The following CDH13 variants were observed in gnomAD, a reference collection of about 807,000 sequenced individuals.
The protein encoded by CDH13 is cadherin 13, also known as cadherin-13.
Under a neutral mutation model 63.8 loss-of-function variants are expected in CDH13, and 24 were observed. The ratio of observed to expected loss-of-function variants is 0.38; its 90% CI spans 0.27 to 0.53. CDH13 has a LOEUF of 0.53. Among genes scored for constraint, CDH13 ranks in the 20% least tolerant of loss-of-function variants. The pLI, the probability that CDH13 is intolerant of heterozygous loss-of-function variation, is 0.85. For synonymous variants in CDH13, 503 were observed against 355.3 expected, an observed-to-expected ratio of 1.42 and a Z score of -4.67; for missense variants, 1,049 against 903.1, an observed-to-expected ratio of 1.16 and a Z score of -2.07.
intron 7 of CDH13, 124 bp downstream of exon 7, chr16:83,486,779 C>G (rs1171447237): frequency 2.3e-6 from 2 of 853,150 alleles, no homozygotes; most frequent in Non-Finnish European, 3.6e-6. Context: ...GAGGTGTTTA[C>G]CATGTTTTGG....
intron 2 of CDH13, among the ~76,000 whole-genome samples, chr16:83,013,530 C>T (rs1914371895): frequency 6.6e-6 from 1 of 152,180 alleles, no homozygotes; most frequent in Non-Finnish European, 1.5e-5. Context: ...ACCTCAAACC[C>T]CAATCCTCAC....
At chr16:83,515,342 C>T (rs1295203652) in intron 7 of CDH13, among the ~76,000 whole-genome samples, 1 of 152,196 alleles carries the variant, frequency 6.6e-6, no homozygotes, top group African/African-American at 2.4e-5. Flanking sequence ...TTACACTTCT[C>T]TCTGCAGTAA....
chr16:82,958,942 T>C (rs1318404617), intron 2 of CDH13, among the ~76,000 whole-genome samples: 1 of 152,240 alleles, frequency 6.6e-6, no homozygotes, highest in African/African-American at 2.4e-5. Context: ...AAGGTTTTCC[T>C]GGTGCAGAAA....
intron 3 of CDH13, among the ~76,000 whole-genome samples, chr16:83,058,890 C>CTTGCT (rs1269174454): frequency 1.3e-5 from 2 of 151,740 alleles, no homozygotes; most frequent in Non-Finnish European, 2.9e-5. Context: ...AGGATATTTT[C>CTTGCT]TTGCTTTGCT....
chr16:82,963,483 T>C (rs1214955567), intron 2 of CDH13, among the ~76,000 whole-genome samples: 16 of 152,172 alleles, frequency 1.1e-4, no homozygotes. Flanking sequence ...GGTTTCACCG[T>C]ATCACATCCT....
chr16:83,027,240 G>T (rs1447583802), intron 2 of CDH13, among the ~76,000 whole-genome samples: 1 of 152,004 alleles, frequency 6.6e-6, no homozygotes, highest in Non-Finnish European at 1.5e-5. Context: ...TGCTGAAGAT[G>T]TAAAGATGAA....
At chr16:83,270,536 A>C (rs921298943) in intron 5 of CDH13, among the ~76,000 whole-genome samples, 1 of 152,200 alleles carries the variant, frequency 6.6e-6, no homozygotes, top group African/African-American at 2.4e-5. Context: ...TATCCATGGA[A>C]AAGACATGAG....
intron 11 of CDH13, among the ~76,000 whole-genome samples, chr16:83,760,879 T>A: frequency 6.6e-6 from 1 of 152,242 alleles, no homozygotes; most frequent in Non-Finnish European, 1.5e-5. Context: ...ACTCTCAGCA[T>A]CTTGTTCCAA....
In CDH13 at chr16:82,961,453, C is replaced by G. The variant is rs144867020; in HGVS notation, c.158-70557C>G. On this transcript the variant is annotated intron_variant, in intron 2 of 13. Transcript: ENST00000567109. ...CTCCATACATAATAAAATGAAGGCC[C>G]CAGATGATTTGTGAAAGAGTTGAAA... Among the ~76,000 whole-genome samples, 54 of 151,932 alleles carry G rather than the reference C, an allele frequency of 3.6e-4. No individual in the cohort carries two copies. The East Asian group carries it at 8.1e-3, about 23-fold the overall frequency.
At chr16:82,815,244 C>G (rs986274535) in intron 1 of CDH13, among the ~76,000 whole-genome samples, 1 of 151,988 alleles carries the variant, frequency 6.6e-6, no homozygotes, top group Non-Finnish European at 1.5e-5. Context: ...GCACAGAGAC[C>G]CCGAATGAGG....
At position 83,093,294 on chromosome 16, in the gene CDH13, C is replaced by CTTT. The variant is rs549590536; in HGVS notation, c.367-32055_367-32053dup. On this transcript the variant is annotated intron_variant, in intron 3 of 13. Coordinates refer to ENST00000567109, the MANE Select transcript of CDH13 (RefSeq NM_001257.5). ...TTGTCCTGTGGAAACACCATAAGTA[C>CTTT]TTTTTTTTTTTTTTTTTTTTTTTTT... Among the ~76,000 whole-genome samples the CTTT allele has an allele frequency of 6.2e-4, 22 of 35,326 alleles. 8 individuals carry two copies. Among genetic ancestry groups the CTTT allele is most frequent in the Non-Finnish European group, 1.1e-3 (19 of 17,918 alleles). The allele number at this position is 35,326 out of a possible 152,430, so 23.2% of individuals were successfully genotyped here.
intron 3 of CDH13, among the ~76,000 whole-genome samples, chr16:83,121,808 A>G (rs1483525001): frequency 6.6e-6 from 1 of 152,246 alleles, no homozygotes; most frequent in Non-Finnish European, 1.5e-5. Context: ...AAAGCTCTCG[A>G]TAAATGAATA....
intron 6 of CDH13, among the ~76,000 whole-genome samples, chr16:83,450,724 G>T (rs187441126): frequency 6.6e-6 from 1 of 152,054 alleles, no homozygotes; most frequent in Non-Finnish European, 1.5e-5. Flanking sequence ...TAAAAAATTA[G>T]CCAGGCATGG....
At chr16:83,238,399 G>T (rs749900104) in intron 5 of CDH13, among the ~76,000 whole-genome samples, 2 of 152,078 alleles carry the variant, frequency 1.3e-5, no homozygotes, top group Non-Finnish European at 2.9e-5. Flanking sequence ...TCACTATCAC[G>T]AGAACAGCAT....
intron 4 of CDH13, among the ~76,000 whole-genome samples, chr16:83,164,334 C>G (rs186642428): frequency 6.6e-6 from 1 of 152,126 alleles, no homozygotes; most frequent in African/African-American, 2.4e-5. Flanking sequence ...TCACACACCA[C>G]ACATCACATA....
chr16:83,086,790 A>G (rs1412912273), intron 3 of CDH13, among the ~76,000 whole-genome samples: 1 of 152,218 alleles, frequency 6.6e-6, no homozygotes, highest in African/African-American at 2.4e-5. Flanking sequence ...AAAACTGGGC[A>G]CAGTAAAATT....
At chr16:83,049,363 C>G (rs1322644724) in intron 3 of CDH13, among the ~76,000 whole-genome samples, 1 of 125,318 alleles carries the variant, frequency 8.0e-6, no homozygotes, top group African/African-American at 3.1e-5. Context: ...GAGTCTCACT[C>G]TGTCGCCCAG....
chr16:83,308,758 G>A (rs1291467435), intron 5 of CDH13, among the ~76,000 whole-genome samples: 1 of 152,188 alleles, frequency 6.6e-6, no homozygotes, highest in South Asian at 2.1e-4. Context: ...CAGAGCTGAG[G>A]TAAAATGAGG....
intron 4 of CDH13, among the ~76,000 whole-genome samples, chr16:83,183,909 G>A (rs2038426665): frequency 6.6e-6 from 1 of 152,064 alleles, no homozygotes; most frequent in East Asian, 1.9e-4. Flanking sequence ...AGAAGTAAGG[G>A]AGAAAGAACC....
Sources: gnomAD v4.1 joint callset for allele counts (sites outside exome capture counted in the v4.1 genomes callset) on GRCh38, gnomAD v4.1.1 for gene constraint, MANE v1.5 for transcripts, NCBI Gene and HGNC (gene_info 2026-07-23, HGNC 2026-07-21) for gene names.